The following AUP1 variants were observed in gnomAD, a reference collection of about 807,000 sequenced individuals.
AUP1 encodes the protein AUP1 lipid droplet regulating VLDL assembly factor.
AUP1 carries 30 observed loss-of-function variants against 51.8 expected under a neutral mutation model. That is an observed-to-expected ratio of 0.58 (90% CI 0.43 to 0.79). The LOEUF is 0.79. Ranked by LOEUF, AUP1 falls within the 30% of genes least tolerant of loss-of-function variation. The pLI is 0.00. For missense variants in AUP1, 492 were observed against 517.1 expected, an observed-to-expected ratio of 0.95 and a Z score of 0.47; for synonymous variants, 227 against 209.0, an observed-to-expected ratio of 1.09 and a Z score of -0.74.
rs1336431219 is a variant in AUP1 at position 74,526,666 on chromosome 2, T to C, written c.*134A>G. 1.8e-6 allele frequency: 2 copies of C among 1,136,014 alleles called. No homozygotes were observed. The highest frequency in any genetic ancestry group is 1.2e-6 in the Non-Finnish European group (1 of 807,804). The allele number at this position is 1,136,014 out of a possible 1,614,324, so 70.4% of individuals were successfully genotyped here. On this transcript the variant is annotated 3_prime_UTR_variant, in exon 12 of 12. Transcript: ENST00000377526. ...CAACAGATGCCTTGAATGAAAACCA[T>C]GAATTTAATGTGACATTGGGGGAGC... is the stretch of plus-strand genomic sequence containing the variant.
In AUP1 at chr2:74,527,522, C is replaced by T; in HGVS notation, c.910G>A (p.Val304Ile). The change falls in exon 9 of 12, where the codon GTC becomes ATC. Residue 304 changes from valine (V) to isoleucine (I), a missense_variant. Val to Ile is a conservative substitution (Grantham distance 29, BLOSUM62 3). Transcript: ENST00000377526. ...GGCACATGGGGCAAAACTTCCTTGA[C>T]TCTCTGAGCCAGAGTTGCCAGTTGC... ...DVQLATLAQR[V>I]KEVLPHVPLG... is the part of the protein sequence containing the mutation. 1 of 1,614,018 alleles carries T rather than the reference C, an allele frequency of 6.2e-7. No homozygotes were observed. The highest frequency in any genetic ancestry group is 8.5e-7 in the Non-Finnish European group (1 of 1,179,986).
chr2:74,529,496 A>C lies in AUP1; in HGVS notation c.54T>G (p.Leu18=). The C allele has an allele frequency of 1.3e-6, 2 of 1,552,576 alleles. No individual in the cohort carries two copies. Among genetic ancestry groups the C allele is most frequent in the Non-Finnish European group, 1.7e-6 (2 of 1,145,874 alleles). ...GPERLFDSHR[L]PGDCFLLLVL... is the part of the protein sequence containing the mutation. Reference sequence around the variant, plus strand: ...CGAGCAGTAGGAAGCAGTCACCCGGAAGCCTGGGGGCGAGAGGCGAAGTGG... The same window carrying C: ...CGAGCAGTAGGAAGCAGTCACCCGGCAGCCTGGGGGCGAGAGGCGAAGTGG... The change falls in exon 2 of 12, where the codon CTT becomes CTG. Residue 18 remains leucine, a synonymous_variant. Coordinates refer to ENST00000377526, the MANE Select transcript of AUP1 (RefSeq NM_181575.5).
chr2:74,529,576 T>A lies in AUP1; in HGVS notation c.50+4A>T. Reference sequence around the variant, plus strand: ...GATCGGTCTCTTCCCGCCGGGTCTCTTACCGGTGCGAGTCAAAGAGCCGCT... The same window carrying A: ...GATCGGTCTCTTCCCGCCGGGTCTCATACCGGTGCGAGTCAAAGAGCCGCT... On this transcript the variant is annotated splice_donor_region_variant and intron_variant, in intron 1 of 11. Transcript: ENST00000377526. The A allele has an allele frequency of 6.4e-7, 1 of 1,563,854 alleles. No individual in the cohort carries two copies. Among genetic ancestry groups the A allele is most frequent in the Non-Finnish European group, 8.7e-7 (1 of 1,151,940 alleles).
Position 74,529,433 on chromosome 2 carries a change from G to T in AUP1, c.117C>A (p.Leu39=), listed in dbSNP as rs774347474. 13 of 1,579,148 alleles carry T rather than the reference G, an allele frequency of 8.2e-6. No homozygotes were observed. Among genetic ancestry groups the T allele is most frequent in the Middle Eastern group, 1.7e-4 (1 of 6,038 alleles). ...GGATCCCGAGAAAGAGGCGCAGGAC[G>T]AGGAGGCAGAACCCGACTGGCGCGT... The part of the protein sequence containing the change: ...LLYAPVGFCL[L]VLRLFLGIHV... The change falls in exon 2 of 12, where the codon CTC becomes CTA. Residue 39 remains leucine, a synonymous_variant. Coordinates refer to ENST00000377526, the MANE Select transcript of AUP1 (RefSeq NM_181575.5).
chr2:74,529,329 G>T (rs71640290), intron 2 of AUP1, 33 bp downstream of exon 2: 1 of 1,613,704 alleles, frequency 6.2e-7, no homozygotes, highest in Non-Finnish European at 8.5e-7. Context: ...GCCAGACCCA[G>T]CTCTGACACT....
In AUP1 at chr2:74,526,844, A is replaced by T. The variant is rs1371507927; in HGVS notation, c.1197-8T>A. 6.3e-7 allele frequency: 1 copy of T among 1,575,188 alleles called. No homozygotes were observed. Among genetic ancestry groups the T allele is most frequent in the Non-Finnish European group, 8.6e-7 (1 of 1,157,814 alleles). ...CGTCTCTCTGTGAATCTCCTGTGGG[A>T]CATAGGGAGAGATATTATTCAGGCT... On this transcript the variant is annotated splice_polypyrimidine_tract_variant and splice_region_variant and intron_variant, in intron 11 of 11. Transcript: ENST00000377526.
At chr2:74,528,043 C>A in intron 6 of AUP1, 37 bp from the exon 7 acceptor site, 1 of 1,611,802 alleles carries the variant, frequency 6.2e-7, no homozygotes, top group East Asian at 2.2e-5. Context: ...TTGTGGGCAC[C>A]CAGGGTAGAG....
chr2:74,527,335 G>A lies in AUP1; in HGVS notation c.990C>T (p.Ile330=). The A allele has an allele frequency of 6.2e-7, 1 of 1,614,128 alleles. No individual in the cohort carries two copies. The highest frequency in any genetic ancestry group is 8.5e-7 in the Non-Finnish European group (1 of 1,180,028). ...CTACGGCCCCCTCAAGCAGATTAGT[G>A]ATAGTCAAGTCTACACAGCCAGTCT... ...LAKTGCVDLT[I]TNLLEGAVAF... is the part of the protein sequence containing the mutation. Residue 330 remains isoleucine, a synonymous_variant, in exon 10 of 12, where the codon ATC becomes ATT. Transcript: ENST00000377526.
chr2:74,527,466 C>A lies in AUP1; in HGVS notation c.961+5G>T, dbSNP rs1675241007. 1 of 1,611,720 alleles carries A rather than the reference C, an allele frequency of 6.2e-7. No individual in the cohort carries two copies. The highest frequency in any genetic ancestry group is 8.5e-7 in the Non-Finnish European group (1 of 1,178,996). ...CTCCCAGTGTGGGGCCACCCTTTCC[C>A]ATACCCAGGTCTCTCTGGATGACAC... On this transcript the variant is annotated splice_donor_5th_base_variant and intron_variant, in intron 9 of 11. Transcript: ENST00000377526.
chr2:74,526,833 TCTC>T lies in AUP1; in HGVS notation c.1197_1199del (p.Arg400del). On this transcript the variant is annotated inframe_deletion and splice_region_variant, in exon 12 of 12. Transcript: ENST00000377526. ...CCTCCTGGGCTCGTCTCTCTGTGAA[TCTC>T]CTGTGGGACATAGGGAGAGATATTA... 1 of 1,560,714 alleles carries T rather than the reference TCTC, an allele frequency of 6.4e-7. No individual in the cohort carries two copies. The highest frequency in any genetic ancestry group is 8.7e-7 in the Non-Finnish European group (1 of 1,151,034).
rs201648655 is a variant in AUP1, at chr2:74,527,043, G to A, written c.1094C>T (p.Pro365Leu). The change falls in exon 11 of 12, where the codon CCG (proline) becomes CTG (leucine). Residue 365 changes from proline (P) to leucine (L), a missense_variant. Physicochemically the swap from Pro to Leu is moderately conservative, Grantham distance 98. Coordinates refer to ENST00000377526, the MANE Select transcript of AUP1 (RefSeq NM_181575.5). ...TAGGGCTGTTGGCTGAGGGGTCACCGGGCCAGAGCTGGGAAACTGAGGTGA... is the reference window on the plus strand; with the variant it reads ...TAGGGCTGTTGGCTGAGGGGTCACCAGGCCAGAGCTGGGAAACTGAGGTGA... ...ASASKFPSSG[P>L]VTPQPTALTF... The A allele has an allele frequency of 4.3e-4, 699 of 1,614,162 alleles. No homozygotes were observed. Among genetic ancestry groups the A allele is most frequent in the South Asian group, 1.2e-3 (110 of 91,080 alleles).
chr2:74,527,739 A>C lies in AUP1; in HGVS notation c.838T>G (p.Ser280Ala). The C allele has an allele frequency of 1.9e-6, 3 of 1,613,320 alleles. No homozygotes were observed. ...GTAATGTATAGAGACCACATACCTG[A>C]CTGGGGGCGCAATCTGGGGTGTCTT... Reference protein sequence around the residue: ...RQRHPRLRPQSAQSSFPPSPG... With the variant: ...RQRHPRLRPQAAQSSFPPSPG... Residue 280 changes from serine (S) to alanine (A), a missense_variant, in exon 8 of 12, where the codon TCA (serine) becomes GCA (alanine). By Grantham distance (99) the Ser-to-Ala change is moderately conservative (BLOSUM62 1). Coordinates refer to ENST00000377526, the MANE Select transcript of AUP1 (RefSeq NM_181575.5).
rs1189664572 is a variant in AUP1, at chr2:74,528,503, G to T, written c.525-14C>A. Reference sequence around the variant, plus strand: ...AATGGCCAGGAACTAGAAGAGGAAGGAGAAAGTAGGATGGGAATCCAGCCA... The same window carrying T: ...AATGGCCAGGAACTAGAAGAGGAAGTAGAAAGTAGGATGGGAATCCAGCCA... On this transcript the variant is annotated splice_polypyrimidine_tract_variant and intron_variant, in intron 4 of 11. Transcript: ENST00000377526. The T allele has an allele frequency of 2.5e-6, 4 of 1,605,940 alleles. No individual in the cohort carries two copies. The South Asian group carries it at 3.3e-5, about 13-fold the overall frequency.
rs767142014 is a variant in AUP1 at position 74,526,799 on chromosome 2, C to T, written c.*1G>A. 5 of 1,537,274 alleles carry T rather than the reference C, an allele frequency of 3.3e-6. No individual in the cohort carries two copies. Among genetic ancestry groups the T allele is most frequent in the Non-Finnish European group, 3.5e-6 (4 of 1,141,414 alleles). On this transcript the variant is annotated 3_prime_UTR_variant, in exon 12 of 12. Transcript: ENST00000377526. ...CTGGGTGCCATCCTGTTCCTTTGAGCTCAGTCAGCCTCCTGGGCTCGTCTC... is the reference window on the plus strand; with the variant it reads ...CTGGGTGCCATCCTGTTCCTTTGAGTTCAGTCAGCCTCCTGGGCTCGTCTC...
Sources: allele counts gnomAD v4.1 joint callset, GRCh38; gene constraint gnomAD v4.1.1; transcripts MANE v1.5; gene names NCBI Gene and HGNC (gene_info 2026-07-23, HGNC 2026-07-21).